The following ROR2 variants were observed in gnomAD, a reference collection of about 807,000 sequenced individuals.
ROR2 encodes the protein tyrosine-protein kinase transmembrane receptor ROR2.
A neutral mutation model predicts 74.9 loss-of-function variants in ROR2; 33 were observed. That is an observed-to-expected ratio of 0.44 (90% CI 0.33 to 0.59). The LOEUF is 0.59. ROR2 is among the 20% of genes least tolerant of loss of function. ROR2 has a pLI of 0.02. For synonymous variants in ROR2, 586 were observed against 558.7 expected, an observed-to-expected ratio of 1.05 and a Z score of -0.69; for missense variants, 1,216 against 1,313.8, an observed-to-expected ratio of 0.93 and a Z score of 1.15.
intron 1 of ROR2, among the ~76,000 whole-genome samples, chr9:91,825,497 C>T (rs760480493): frequency 1.3e-5 from 2 of 152,170 alleles, no homozygotes. Flanking sequence ...TGGACAGCTG[C>T]CATTGCCCAG....
At chr9:91,851,011 T>TA (rs2119255249) in intron 1 of ROR2, among the ~76,000 whole-genome samples, 1 of 152,296 alleles carries the variant, frequency 6.6e-6, no homozygotes, top group Admixed American at 6.5e-5. Flanking sequence ...AAAACTTCAC[T>TA]ATTTCCCCAC....
chr9:91,846,668 G>A (rs764948223), intron 1 of ROR2, among the ~76,000 whole-genome samples: 1 of 152,004 alleles, frequency 6.6e-6, no homozygotes, highest in Non-Finnish European at 1.5e-5. Flanking sequence ...CAGAGGTTTC[G>A]GATTTCAAGT....
intron 1 of ROR2, among the ~76,000 whole-genome samples, chr9:91,810,819 C>T (rs948669043): frequency 2.0e-5 from 3 of 152,166 alleles, no homozygotes; most frequent in African/African-American, 7.2e-5. Context: ...ACAGGGAATG[C>T]GGCCCTAATT....
At chr9:91,760,697 T>C (rs775427081) in intron 2 of ROR2, among the ~76,000 whole-genome samples, 2 of 151,994 alleles carry the variant, frequency 1.3e-5, no homozygotes, top group Non-Finnish European at 2.9e-5. Context: ...CTCAATTTCA[T>C]TGCTACTTTT....
chr9:91,856,762 C>G (rs1829302369), intron 1 of ROR2, among the ~76,000 whole-genome samples: 1 of 152,224 alleles, frequency 6.6e-6, no homozygotes, highest in African/African-American at 2.4e-5. Context: ...ATGTCCTTGT[C>G]TGAGGCTCTA....
At chr9:91,895,072 G>A (rs1830504753) in intron 1 of ROR2, among the ~76,000 whole-genome samples, 1 of 152,182 alleles carries the variant, frequency 6.6e-6, no homozygotes, top group Non-Finnish European at 1.5e-5. Context: ...TCTAGTGGAT[G>A]AAATATTCAG....
intron 1 of ROR2, among the ~76,000 whole-genome samples, chr9:91,842,741 C>T (rs951845799): frequency 6.6e-6 from 1 of 152,236 alleles, no homozygotes; most frequent in Admixed American, 6.5e-5. Context: ...CCTGCCACCC[C>T]CCTCCTCCTT....
At chr9:91,845,791 T>C (rs1031567122) in intron 1 of ROR2, among the ~76,000 whole-genome samples, 11 of 143,588 alleles carry the variant, frequency 7.7e-5, no homozygotes, top group East Asian at 2.1e-4. Flanking sequence ...CACAGGAGAA[T>C]TGCTTGAACC....
At chr9:91,896,295 G>A (rs896052968) in intron 1 of ROR2, among the ~76,000 whole-genome samples, 1 of 152,084 alleles carries the variant, frequency 6.6e-6, no homozygotes, top group Non-Finnish European at 1.5e-5. Flanking sequence ...ACTCTGTCTT[G>A]GCTGAACATC....
At chr9:91,770,238 C>G (rs1316768735) in intron 2 of ROR2, among the ~76,000 whole-genome samples, 5 of 152,228 alleles carry the variant, frequency 3.3e-5, no homozygotes, top group Admixed American at 3.3e-4. Flanking sequence ...TTGTGGGTAT[C>G]TGGTAAACCT....
At chr9:91,748,930 G>A (rs1825518666) in intron 4 of ROR2, among the ~76,000 whole-genome samples, 2 of 152,212 alleles carry the variant, frequency 1.3e-5, no homozygotes, top group Admixed American at 6.5e-5. Flanking sequence ...AGGAGGCTGA[G>A]GCAGAGAATC....
chr9:91,856,844 T>C (rs563907906), intron 1 of ROR2, among the ~76,000 whole-genome samples: 1 of 152,298 alleles, frequency 6.6e-6, no homozygotes, highest in African/African-American at 2.4e-5. Flanking sequence ...GCTGGCTGCC[T>C]CACTGCTCAA....
intron 1 of ROR2, among the ~76,000 whole-genome samples, chr9:91,877,477 G>C (rs867028351): frequency 5.0e-4 from 76 of 152,338 alleles, no homozygotes; most frequent in African/African-American, 1.8e-3. Context: ...GGATGAAGAA[G>C]ATCAGATAAC....
At chr9:91,810,619 C>T (rs1004076582) in intron 1 of ROR2, among the ~76,000 whole-genome samples, 2 of 152,182 alleles carry the variant, frequency 1.3e-5, no homozygotes, top group Non-Finnish European at 2.9e-5. Flanking sequence ...CCACCTCAGA[C>T]AGGGCATTCA....
intron 1 of ROR2, among the ~76,000 whole-genome samples, chr9:91,802,761 G>A (rs1827429357): frequency 6.6e-6 from 1 of 152,124 alleles, no homozygotes; most frequent in South Asian, 2.1e-4. Context: ...GAACGTGAGA[G>A]GTTTTCCTGG....
chr9:91,908,214 T>G (rs370455529), intron 1 of ROR2, among the ~76,000 whole-genome samples: 2 of 152,182 alleles, frequency 1.3e-5, no homozygotes, highest in South Asian at 2.1e-4. Flanking sequence ...ACGCTATCTA[T>G]GCCAGGAAGG....
intron 1 of ROR2, among the ~76,000 whole-genome samples, chr9:91,815,747 C>CA (rs771096619): frequency 4.9e-4 from 74 of 152,340 alleles, no homozygotes; most frequent in Admixed American, 1.3e-3. Context: ...AACCACCCTG[C>CA]AATGCAGGGT....
chr9:91,744,387 A>G (rs566012743), intron 4 of ROR2, among the ~76,000 whole-genome samples: 9 of 151,544 alleles, frequency 5.9e-5, no homozygotes, highest in Non-Finnish European at 1.2e-4. Flanking sequence ...ACACCCAGCT[A>G]ATTTTTGTAT....
chr9:91,734,190 T>C (rs1185565514), intron 5 of ROR2, among the ~76,000 whole-genome samples: 1 of 152,092 alleles, frequency 6.6e-6, no homozygotes, highest in Non-Finnish European at 1.5e-5. Context: ...CTGGGGTGCA[T>C]GGCTGGACAC....
Sources: allele counts gnomAD v4.1 joint callset (sites outside exome capture counted in the v4.1 genomes callset), GRCh38; gene constraint gnomAD v4.1.1; transcripts MANE v1.5; gene names NCBI Gene and HGNC (gene_info 2026-07-23, HGNC 2026-07-21).